PTPRC: variants seen among roughly 807,000 people sequenced by gnomAD.
PTPRC encodes protein tyrosine phosphatase receptor type C, also known as receptor-type tyrosine-protein phosphatase C.
Under a neutral mutation model 155.9 loss-of-function variants are expected in PTPRC, and 44 were observed. The ratio of observed to expected loss-of-function variants is 0.28; its 90% CI spans 0.22 to 0.36. PTPRC has a LOEUF of 0.36. Ranked by LOEUF, PTPRC falls within the 10% of genes least tolerant of loss-of-function variation. The pLI is 1.00. For synonymous variants in PTPRC, 525 were observed against 533.1 expected, an observed-to-expected ratio of 0.98 and a Z score of 0.21; for missense variants, 1,401 against 1,564.6, an observed-to-expected ratio of 0.90 and a Z score of 1.76.
At chr1:198,718,388 C>A in intron 14 of PTPRC, 86 bp downstream of exon 14, 2 of 1,098,762 alleles carry the variant, frequency 1.8e-6, no homozygotes, top group Non-Finnish European at 2.7e-6. Flanking sequence ...AAGACCACTG[C>A]TCACATGAGA....
At position 198,641,367 on chromosome 1, in the gene PTPRC, A is replaced by T. The variant is rs549690362; in HGVS notation, c.73+2026A>T. Reference sequence around the variant, plus strand: ...TGTTTCATTTTAACGTGTTAAAATTAGTTTAGTGCCTACAGGAAATAATAA... The same window carrying T: ...TGTTTCATTTTAACGTGTTAAAATTTGTTTAGTGCCTACAGGAAATAATAA... On this transcript the variant is annotated intron_variant, in intron 2 of 32. Coordinates refer to ENST00000442510, the MANE Select transcript of PTPRC (RefSeq NM_002838.5). Among the ~76,000 whole-genome samples, 13 of 152,218 alleles carry T rather than the reference A, an allele frequency of 8.5e-5. No individual in the cohort carries two copies. The South Asian group carries it at 2.5e-3, about 29-fold the overall frequency.
intron 2 of PTPRC, among the ~76,000 whole-genome samples, chr1:198,673,278 C>T (rs1000150405): frequency 6.6e-6 from 1 of 152,056 alleles, no homozygotes; most frequent in African/African-American, 2.4e-5. Flanking sequence ...TGTAATGTGG[C>T]TATATTTTGA....
In PTPRC at chr1:198,713,867, C is replaced by T. The variant is rs188496143; in HGVS notation, c.1291+795C>T. 2.6e-5 allele frequency among the ~76,000 whole-genome samples: 4 copies of T among 152,282 alleles called. No individual in the cohort carries two copies. The East Asian group carries it at 5.8e-4, about 22-fold the overall frequency. On this transcript the variant is annotated intron_variant, in intron 12 of 32. Coordinates refer to ENST00000442510, the MANE Select transcript of PTPRC (RefSeq NM_002838.5). ...CTGTGGGGAAGGAACCAGACATACA[C>T]TTCAAAACTTGAAAAGTGAAAGGCT...
chr1:198,641,521 C>A (rs983305900), intron 2 of PTPRC, among the ~76,000 whole-genome samples: 1 of 152,024 alleles, frequency 6.6e-6, no homozygotes, highest in Non-Finnish European at 1.5e-5. Flanking sequence ...AATGCACACA[C>A]GGACAAGGCC....
intron 15 of PTPRC, among the ~76,000 whole-genome samples, chr1:198,725,358 C>G (rs1434015342): frequency 6.6e-6 from 1 of 152,024 alleles, no homozygotes; most frequent in Non-Finnish European, 1.5e-5. Context: ...GTTCTGTGGT[C>G]CTTAGAAGAT....
At chr1:198,692,831 A>G in intron 3 of PTPRC, 1 of 900,718 alleles carries the variant, frequency 1.1e-6, no homozygotes, top group Non-Finnish European at 1.3e-6. Context: ...AACCTTTGAG[A>G]CTATTGAGAT....
At chr1:198,722,106 G>C (rs1225170214) in intron 14 of PTPRC, among the ~76,000 whole-genome samples, 1 of 150,780 alleles carries the variant, frequency 6.6e-6, no homozygotes, top group African/African-American at 2.4e-5. Context: ...TTAACTTTAT[G>C]AATATTTTGA....
intron 2 of PTPRC, among the ~76,000 whole-genome samples, chr1:198,677,463 T>G (rs1038800996): frequency 2.6e-5 from 4 of 151,976 alleles, no homozygotes; most frequent in Admixed American, 6.5e-5. Context: ...GCCACATTGC[T>G]ATTTTTTTTT....
At chr1:198,647,296 C>G (rs1170666785) in intron 2 of PTPRC, among the ~76,000 whole-genome samples, 1 of 151,832 alleles carries the variant, frequency 6.6e-6, no homozygotes, top group East Asian at 1.9e-4. Flanking sequence ...AACTGGTGAG[C>G]TCATGTAGGC....
Position 198,709,827 on chromosome 1 carries a change from G to T in PTPRC, c.1171+3G>T. On this transcript the variant is annotated splice_donor_region_variant and intron_variant, in intron 11 of 32. Coordinates refer to ENST00000442510, the MANE Select transcript of PTPRC (RefSeq NM_002838.5). ...AATTATTAAAACAGATTTTGGGAGT[G>T]AGTATGTTACTTGCATTTATATGTA... is the stretch of plus-strand genomic sequence containing the variant. The T allele has an allele frequency of 6.2e-7, 1 of 1,610,898 alleles. No individual in the cohort carries two copies. The highest frequency in any genetic ancestry group is 1.1e-5 in the South Asian group (1 of 90,590).
chr1:198,708,593 G>A (rs552059268), intron 10 of PTPRC, among the ~76,000 whole-genome samples: 1 of 152,234 alleles, frequency 6.6e-6, no homozygotes, highest in South Asian at 2.1e-4. Flanking sequence ...AAAGAAGGGT[G>A]TTATAAGGAA....
At chr1:198,745,331 C>T (rs1655090482) in intron 26 of PTPRC, among the ~76,000 whole-genome samples, 1 of 151,724 alleles carries the variant, frequency 6.6e-6, no homozygotes, top group Non-Finnish European at 1.5e-5. Context: ...TGAAATTATT[C>T]CATTTAAGCA....
intron 20 of PTPRC, among the ~76,000 whole-genome samples, chr1:198,733,866 G>C (rs1321276806): frequency 6.6e-6 from 1 of 151,714 alleles, no homozygotes; most frequent in Non-Finnish European, 1.5e-5. Context: ...ATAAGAGTTG[G>C]CAGGATATAA....
chr1:198,731,566 C>A, intron 17 of PTPRC, 51 bp from the exon 18 acceptor site: 5 of 1,346,644 alleles, frequency 3.7e-6, no homozygotes, highest in Non-Finnish European at 3.2e-6. Flanking sequence ...AATGTGTATG[C>A]CCACCTGAAA....
intron 2 of PTPRC, among the ~76,000 whole-genome samples, chr1:198,659,229 T>C (rs1407777785): frequency 6.6e-6 from 1 of 152,214 alleles, no homozygotes; most frequent in East Asian, 1.9e-4. Flanking sequence ...ATTTCTGCCT[T>C]GTTCTCTTGT....
chr1:198,715,235 G>A (rs1571863590), intron 12 of PTPRC, among the ~76,000 whole-genome samples: 1 of 152,058 alleles, frequency 6.6e-6, no homozygotes, highest in East Asian at 1.9e-4. Flanking sequence ...CCATTCTCCC[G>A]CCTCAGCCTC....
intron 2 of PTPRC, among the ~76,000 whole-genome samples, chr1:198,686,151 T>G (rs529453658): frequency 6.6e-6 from 1 of 152,202 alleles, no homozygotes; most frequent in African/African-American, 2.4e-5. Context: ...TTGGGAAAGG[T>G]AAATTCAGTA....
chr1:198,756,168 A>C lies in PTPRC; in HGVS notation c.3908A>C (p.Asn1303Thr). 6.2e-7 allele frequency: 1 copy of C among 1,613,210 alleles called. No homozygotes were observed. The highest frequency in any genetic ancestry group is 1.3e-5 in the African/African-American group (1 of 74,978). Residue 1303 changes from asparagine to threonine, a missense_variant, in exon 33 of 33, where the codon AAT becomes ACT. Transcript: ENST00000442510. ...SVNGPASPALNQGS is the reference protein window; with the variant it reads ...SVNGPASPALTQGS The stretch of plus-strand genomic sequence containing the variant: ...AATGGTCCTGCAAGTCCAGCTTTAA[A>C]TCAAGGTTCATAGGAAAAGACATAA...
intron 3 of PTPRC, chr1:198,694,108 C>G (rs1213953561): frequency 6.5e-7 from 1 of 1,546,624 alleles, no homozygotes; most frequent in Non-Finnish European, 8.7e-7. Context: ...AGTTGGTGGC[C>G]AAAGGCCCGA....
Sources: gnomAD v4.1 joint callset for allele counts (sites outside exome capture counted in the v4.1 genomes callset) on GRCh38, gnomAD v4.1.1 for gene constraint, MANE v1.5 for transcripts, NCBI Gene and HGNC (gene_info 2026-07-23, HGNC 2026-07-21) for gene names.